PTPRD: variants seen among roughly 807,000 people sequenced by gnomAD.
PTPRD encodes the protein receptor-type tyrosine-protein phosphatase delta.
A neutral mutation model predicts 214.5 loss-of-function variants in PTPRD; 34 were observed. That is an observed-to-expected ratio of 0.16 (90% CI 0.12 to 0.21). The LOEUF (loss-of-function observed/expected upper bound fraction) is 0.21. PTPRD is among the 10% of genes least tolerant of loss of function. PTPRD has a pLI of 1.00. For missense variants in PTPRD, 2,545 were observed against 2,398.7 expected (o/e 1.06, Z -1.27); for synonymous variants, 1,128 against 845.7 (o/e 1.33, Z -5.79).
At chr9:8,504,533 C>G in intron 22 of PTPRD, 128 bp from the exon 23 acceptor site, 2 of 1,057,292 alleles carry the variant, frequency 1.9e-6, no homozygotes, top group South Asian at 3.1e-5. Flanking sequence ...CCAAAAGAGT[C>G]AATAGTGAGT....
intron 9 of PTPRD, among the ~76,000 whole-genome samples, chr9:9,233,760 G>T (rs897093342): frequency 2.6e-5 from 4 of 152,176 alleles, no homozygotes; most frequent in Non-Finnish European, 4.4e-5. Context: ...AAACCTTAAA[G>T]TTCCAAAATG....
intron 5 of PTPRD, among the ~76,000 whole-genome samples, chr9:9,824,325 T>C (rs778847020): frequency 9.2e-5 from 14 of 152,002 alleles, no homozygotes; most frequent in Non-Finnish European, 1.8e-4. Context: ...CTGAAATTTA[T>C]TTTATATTAA....
intron 12 of PTPRD, among the ~76,000 whole-genome samples, chr9:8,664,903 A>G (rs1013249767): frequency 1.3e-5 from 2 of 152,250 alleles, no homozygotes; most frequent in African/African-American, 4.8e-5. Flanking sequence ...ACTTCTAACA[A>G]TAACAGTACA....
chr9:9,400,120 C>A (rs2069668281), intron 8 of PTPRD, among the ~76,000 whole-genome samples: 1 of 138,448 alleles, frequency 7.2e-6, no homozygotes. Flanking sequence ...TGGACTGGCA[C>A]AGGTAGATGA....
Position 8,499,822 on chromosome 9 carries a change from CGAG to C in PTPRD, c.2144_2146del (p.Pro715del), listed in dbSNP as rs1289460577. The C allele has an allele frequency of 2.5e-6, 4 of 1,610,992 alleles. No individual in the cohort carries two copies. Among genetic ancestry groups the C allele is most frequent in the Admixed American group, 1.7e-5 (1 of 59,506 alleles). Reference sequence around the variant, plus strand: ...GTTGACAGCCTCTACCTCGACTTTGCGAGGAGGACCACTAGGAACTGGAACAAC... The same window carrying C: ...GTTGACAGCCTCTACCTCGACTTTGCGAGGACCACTAGGAACTGGAACAAC... On this transcript the variant is annotated inframe_deletion, in exon 25 of 46. Coordinates refer to ENST00000381196, the MANE Select transcript of PTPRD (RefSeq NM_002839.4).
Position 8,977,414 on chromosome 9 carries a change from T to C in PTPRD, c.-104+41283A>G, listed in dbSNP as rs569297518. Among the ~76,000 whole-genome samples, 6 of 152,246 alleles carry C rather than the reference T, an allele frequency of 3.9e-5. No homozygotes were observed. In the South Asian group the frequency reaches 6.2e-4, roughly 16 times the overall value. On this transcript the variant is annotated intron_variant, in intron 11 of 45. Coordinates refer to ENST00000381196, the MANE Select transcript of PTPRD (RefSeq NM_002839.4). ...TATTTAGTATTTCTAAATTATCTTG[T>C]TCTAGCTCTCTTCATACATTAGTTA...
chr9:9,210,637 C>G (rs2099947918), intron 9 of PTPRD, among the ~76,000 whole-genome samples: 2 of 152,000 alleles, frequency 1.3e-5, no homozygotes, highest in South Asian at 2.1e-4. Flanking sequence ...TTTTAATGGA[C>G]TTGGATTATT....
intron 2 of PTPRD, among the ~76,000 whole-genome samples, chr9:10,410,411 A>G (rs563372153): frequency 2.7e-4 from 41 of 151,138 alleles, no homozygotes; most frequent in African/African-American, 9.4e-4. Context: ...GTTTCATAAT[A>G]TGACTCTCAG....
chr9:9,037,620 G>C (rs776400344), intron 10 of PTPRD, among the ~76,000 whole-genome samples: 1 of 152,052 alleles, frequency 6.6e-6, no homozygotes, highest in African/African-American at 2.4e-5. Context: ...CCATAACTAA[G>C]GGCTTAAGGT....
chr9:9,732,998 T>C (rs541060777), intron 7 of PTPRD, among the ~76,000 whole-genome samples: 14 of 152,138 alleles, frequency 9.2e-5, no homozygotes, highest in Admixed American at 2.6e-4. Flanking sequence ...GAATTCATCA[T>C]TGTGAATAGG....
At chr9:10,344,606 A>G (rs994504230) in intron 2 of PTPRD, among the ~76,000 whole-genome samples, 1 of 152,174 alleles carries the variant, frequency 6.6e-6, no homozygotes, top group African/African-American at 2.4e-5. Flanking sequence ...CATTGAATCT[A>G]TAAATTACCT....
intron 3 of PTPRD, among the ~76,000 whole-genome samples, chr9:10,217,070 A>G (rs1274879781): frequency 6.6e-6 from 1 of 151,906 alleles, no homozygotes. Flanking sequence ...TTGTATTCTC[A>G]TTTACTTGAC....
chr9:10,559,315 A>C (rs918126349), intron 2 of PTPRD, among the ~76,000 whole-genome samples: 2 of 152,158 alleles, frequency 1.3e-5, no homozygotes, highest in African/African-American at 2.4e-5. Flanking sequence ...TTGCAATATT[A>C]ATTTACTATG....
At position 9,561,414 on chromosome 9, in the gene PTPRD, A is replaced by G. The variant is rs184575498; in HGVS notation, c.-237+13318T>C. 5.1e-3 allele frequency among the ~76,000 whole-genome samples: 772 copies of G among 152,318 alleles called. 4 individuals are homozygous for G. The highest frequency in any genetic ancestry group is 6.8e-3 in the Non-Finnish European group (463 of 68,012). On this transcript the variant is annotated intron_variant, in intron 8 of 45. Coordinates refer to ENST00000381196, the MANE Select transcript of PTPRD (RefSeq NM_002839.4). ...GACTTCTTGCAACTGTGCCTCACGT[A>G]TTGGTCACGCATATTTGACGCAGAA...
rs111301358 is a variant in PTPRD at position 8,776,216 on chromosome 9, C to T, written c.-103-42270G>A. On this transcript the variant is annotated intron_variant, in intron 11 of 45. Coordinates refer to ENST00000381196, the MANE Select transcript of PTPRD (RefSeq NM_002839.4). ...TGAAAAGGTGAGATTGGACCCTGCA[C>T]AAGGCATACAACTATACTAAGGCTC... Among the ~76,000 whole-genome samples the T allele has an allele frequency of 2.5e-3, 386 of 152,286 alleles. 1 individual carries two copies. Among genetic ancestry groups the T allele is most frequent in the African/African-American group, 8.2e-3 (339 of 41,566 alleles).
chr9:10,140,636 C>T (rs1472100537), intron 3 of PTPRD, among the ~76,000 whole-genome samples: 1 of 151,962 alleles, frequency 6.6e-6, no homozygotes, highest in African/African-American at 2.4e-5. Context: ...AGTCCAGGAC[C>T]AGATGGATTG....
intron 3 of PTPRD, among the ~76,000 whole-genome samples, chr9:10,274,914 T>C (rs1485453155): frequency 1.3e-5 from 2 of 152,092 alleles, no homozygotes; most frequent in Non-Finnish European, 2.9e-5. Flanking sequence ...TATGGGTGTA[T>C]TGTAGTGACT....
chr9:10,204,625 A>G (rs181521817), intron 3 of PTPRD, among the ~76,000 whole-genome samples: 1 of 152,192 alleles, frequency 6.6e-6, no homozygotes, highest in South Asian at 2.1e-4. Flanking sequence ...AGTAATGTGT[A>G]TAACTATGAC....
intron 11 of PTPRD, among the ~76,000 whole-genome samples, chr9:8,750,415 C>G (rs1435006922): frequency 1.3e-5 from 2 of 152,082 alleles, no homozygotes; most frequent in Non-Finnish European, 2.9e-5. Flanking sequence ...ACCTTGGCCA[C>G]CGAAAGTGCT....
Sources: gnomAD v4.1 joint callset for allele counts (sites outside exome capture counted in the v4.1 genomes callset) on GRCh38, gnomAD v4.1.1 for gene constraint, MANE v1.5 for transcripts, NCBI Gene and HGNC (gene_info 2026-07-23, HGNC 2026-07-21) for gene names.